Variants in ACTN4 observed in about 807,000 individuals in gnomAD.
ACTN4 encodes the protein alpha-actinin-4.
Under a neutral mutation model 114.2 loss-of-function variants are expected in ACTN4, and 18 were observed. The ratio of observed to expected loss-of-function variants is 0.16; its 90% CI spans 0.11 to 0.23. The LOEUF (loss-of-function observed/expected upper bound fraction) is 0.23, where lower values mean the gene tolerates loss of function less well. Ranked by LOEUF, ACTN4 falls within the 10% of genes least tolerant of loss-of-function variation. The pLI is 1.00. For missense variants in ACTN4, 722 were observed against 1,262.9 expected (o/e 0.57, Z 6.49); for synonymous variants, 515 against 506.3 (o/e 1.02, Z -0.23).
intron 1 of ACTN4, among the ~76,000 whole-genome samples, chr19:38,652,202 C>T (rs1045756900): frequency 3.9e-5 from 6 of 151,990 alleles, no homozygotes; most frequent in African/African-American, 1.5e-4. Flanking sequence ...AAAAAGGAAC[C>T]AAACTCAAAC....
intron 1 of ACTN4, among the ~76,000 whole-genome samples, chr19:38,668,877 C>T (rs1469510246): frequency 6.6e-6 from 1 of 152,000 alleles, no homozygotes; most frequent in Admixed American, 6.6e-5. Flanking sequence ...TCTCGGAGCT[C>T]AGGTGTTCAG....
intron 11 of ACTN4, among the ~76,000 whole-genome samples, chr19:38,720,164 C>T (rs565062489): frequency 6.6e-6 from 1 of 152,030 alleles, no homozygotes; most frequent in South Asian, 2.1e-4. Flanking sequence ...GGGCCACCTT[C>T]ACTCCACACC....
At chr19:38,679,611 A>C (rs2144916191) in intron 1 of ACTN4, among the ~76,000 whole-genome samples, 1 of 130,966 alleles carries the variant, frequency 7.6e-6, no homozygotes, top group Admixed American at 8.0e-5. Context: ...ATTTTTTTAG[A>C]GACAGGGTCT....
At chr19:38,710,444 G>A in intron 8 of ACTN4, 102 bp downstream of exon 8, 1 of 1,310,654 alleles carries the variant, frequency 7.6e-7, no homozygotes, top group Non-Finnish European at 1.1e-6. Context: ...AGACGGCAGT[G>A]GCCTCTCTCC....
intron 1 of ACTN4, among the ~76,000 whole-genome samples, chr19:38,672,911 A>G (rs1375313271): frequency 6.9e-6 from 1 of 143,990 alleles, no homozygotes; most frequent in East Asian, 2.2e-4. Flanking sequence ...TCTCAGCATG[A>G]TTGATGGAGA....
At chr19:38,718,470 A>G (rs1288390043) in intron 11 of ACTN4, among the ~76,000 whole-genome samples, 1 of 152,116 alleles carries the variant, frequency 6.6e-6, no homozygotes, top group African/African-American at 2.4e-5. Context: ...AGGGAGGTCA[A>G]GGCTGCAGTG....
At chr19:38,676,661 G>A (rs1410679713) in intron 1 of ACTN4, among the ~76,000 whole-genome samples, 1 of 152,212 alleles carries the variant, frequency 6.6e-6, no homozygotes, top group South Asian at 2.1e-4. Context: ...CTCTACCACA[G>A]ACAGGCCCGG....
At chr19:38,702,368 CT>C (rs1364146878) in intron 3 of ACTN4, among the ~76,000 whole-genome samples, 2 of 152,236 alleles carry the variant, frequency 1.3e-5, no homozygotes, top group Admixed American at 6.5e-5. Flanking sequence ...CCCTGTCCCC[CT>C]GTCCTTCCAC....
At chr19:38,725,937 C>T (rs1427755340) in intron 17 of ACTN4, 34 bp downstream of exon 17, 1 of 1,612,054 alleles carries the variant, frequency 6.2e-7, no homozygotes, top group Non-Finnish European at 8.5e-7. Context: ...GCCTTTCCAC[C>T]AGCATGGCCG....
chr19:38,686,194 G>C (rs562605187), intron 1 of ACTN4, among the ~76,000 whole-genome samples: 6 of 152,240 alleles, frequency 3.9e-5, no homozygotes, highest in African/African-American at 9.6e-5. Flanking sequence ...AATGCCAAAG[G>C]CCTCTTGTCT....
chr19:38,725,600 C>A, intron 16 of ACTN4, 124 bp from the exon 17 acceptor site: 1 of 1,101,510 alleles, frequency 9.1e-7, no homozygotes, highest in Non-Finnish European at 1.3e-6. Context: ...GACCCATGGG[C>A]CAAGGCCCCA....
chr19:38,677,563 C>T (rs922101062), intron 1 of ACTN4, among the ~76,000 whole-genome samples: 3 of 151,952 alleles, frequency 2.0e-5, no homozygotes, highest in African/African-American at 7.3e-5. Context: ...GTATCATGAC[C>T]GCCCAGGCCC....
intron 1 of ACTN4, among the ~76,000 whole-genome samples, chr19:38,670,469 T>TGTGAGGGACATGTGAG (rs1967094092): frequency 2.0e-5 from 3 of 152,098 alleles, no homozygotes; most frequent in African/African-American, 7.2e-5. Context: ...ACTGTGGTCT[T>TGTGAGGGACATGTGAG]GGATTATCAC....
chr19:38,660,015 A>C (rs1018533723), intron 1 of ACTN4, among the ~76,000 whole-genome samples: 11 of 150,008 alleles, frequency 7.3e-5, no homozygotes. Flanking sequence ...TGTCTCCCAG[A>C]TTCAAGCTAT....
chr19:38,723,812 C>T, intron 13 of ACTN4, 90 bp downstream of exon 13: 1 of 1,458,328 alleles, frequency 6.9e-7, no homozygotes, highest in East Asian at 2.4e-5. Flanking sequence ...TGTGAGCTCC[C>T]CCCACCTCCC....
chr19:38,684,887 A>G (rs1967693986), intron 1 of ACTN4, among the ~76,000 whole-genome samples: 1 of 151,196 alleles, frequency 6.6e-6, no homozygotes, highest in East Asian at 1.9e-4. Flanking sequence ...TTGTCAAGGG[A>G]AAAAAAAAGA....
intron 12 of ACTN4, 142 bp downstream of exon 12, chr19:38,721,830 G>T (rs1409854080): frequency 1.6e-6 from 2 of 1,245,180 alleles, no homozygotes; most frequent in Non-Finnish European, 2.3e-6. Context: ...CCTTCCAGAA[G>T]CCAGGGAAGG....
At chr19:38,661,914 A>G (rs891341815) in intron 1 of ACTN4, among the ~76,000 whole-genome samples, 3 of 152,270 alleles carry the variant, frequency 2.0e-5, no homozygotes, top group Middle Eastern at 3.4e-3. Context: ...GGCTTCCCAA[A>G]GTGCTGGGAT....
At chr19:38,648,436 G>C (rs1390935274) in intron 1 of ACTN4, among the ~76,000 whole-genome samples, 2 of 151,974 alleles carry the variant, frequency 1.3e-5, no homozygotes, top group Non-Finnish European at 2.9e-5. Flanking sequence ...AGTTATAAAG[G>C]GGATGAAGAA....
Sources: gnomAD v4.1 joint callset for allele counts (sites outside exome capture counted in the v4.1 genomes callset) on GRCh38, gnomAD v4.1.1 for gene constraint, MANE v1.5 for transcripts, NCBI Gene and HGNC (gene_info 2026-07-23, HGNC 2026-07-21) for gene names.